LNPEP: variants seen among roughly 807,000 people sequenced by gnomAD.
LNPEP encodes the protein leucyl-cystinyl aminopeptidase.
LNPEP carries 64 observed loss-of-function variants against 120.6 expected under a neutral mutation model. The ratio of observed to expected loss-of-function variants is 0.53; its 90% CI spans 0.43 to 0.65. The LOEUF is 0.65. Ranked by LOEUF, LNPEP falls within the 30% of genes least tolerant of loss-of-function variation. The pLI is 0.00. For synonymous variants in LNPEP, 435 were observed against 425.4 expected (o/e 1.02, Z -0.28); for missense variants, 1,057 against 1,200.0 (o/e 0.88, Z 1.76).
At chr5:97,003,128 A>G (rs931710838) in intron 8 of LNPEP, among the ~76,000 whole-genome samples, 6 of 152,178 alleles carry the variant, frequency 3.9e-5, no homozygotes, top group African/African-American at 1.4e-4. Context: ...TTCAACACTA[A>G]CATTGAAACA....
intron 1 of LNPEP, among the ~76,000 whole-genome samples, chr5:96,968,560 A>G (rs1789783594): frequency 6.6e-6 from 1 of 152,070 alleles, no homozygotes; most frequent in African/African-American, 2.4e-5. Context: ...TTAAGAGAAC[A>G]TTTGTACATC....
At position 96,993,931 on chromosome 5, in the gene LNPEP, A is replaced by G; in HGVS notation, c.1367A>G (p.Lys456Arg). ...DSNTSSMADRKLVTKIIAHEL... is the reference protein window; with the variant it reads ...DSNTSSMADRRLVTKIIAHEL... ...AACACTTCTTCAATGGCGGATAGAAAGCTGGTGACTAAAATCATTGCTCAT... is the reference window on the plus strand; with the variant it reads ...AACACTTCTTCAATGGCGGATAGAAGGCTGGTGACTAAAATCATTGCTCAT... The change falls in exon 6 of 18, where the codon AAG becomes AGG. Residue 456 changes from lysine (K) to arginine (R), a missense_variant. By Grantham distance (26) the Lys-to-Arg change is conservative. Coordinates refer to ENST00000231368, the MANE Select transcript of LNPEP (RefSeq NM_005575.3). The G allele has an allele frequency of 6.2e-7, 1 of 1,613,912 alleles. No individual in the cohort carries two copies. The highest frequency in any genetic ancestry group is 8.5e-7 in the Non-Finnish European group (1 of 1,179,832).
At chr5:96,949,626 C>T (rs1424652023) in intron 1 of LNPEP, among the ~76,000 whole-genome samples, 1 of 152,184 alleles carries the variant, frequency 6.6e-6, no homozygotes, top group African/African-American at 2.4e-5. Flanking sequence ...CCCAGGTATG[C>T]TTTCATGGTG....
In LNPEP at chr5:97,022,462, A is replaced by G; in HGVS notation, c.2539A>G (p.Met847Val). The change falls in exon 14 of 18, where the codon ATG (methionine) becomes GTG (valine). Residue 847 changes from methionine to valine, a missense_variant. Met to Val is a conservative substitution (Grantham distance 21, BLOSUM62 1). Coordinates refer to ENST00000231368, the MANE Select transcript of LNPEP (RefSeq NM_005575.3). ...TTAMKLFDDW[M>V]ASNGTQSLPT... ...TGCCATGAAACTGTTTGATGACTGG[A>G]TGGCATCCAATGGAACTCAAAGGTG... is the stretch of plus-strand genomic sequence containing the variant. The G allele has an allele frequency of 1.2e-6, 2 of 1,613,842 alleles. No homozygotes were observed. Among genetic ancestry groups the G allele is most frequent in the Non-Finnish European group, 1.7e-6 (2 of 1,179,806 alleles).
chr5:97,003,592 G>A (rs985965222), intron 9 of LNPEP, 46 bp downstream of exon 9: 2 of 1,385,188 alleles, frequency 1.4e-6, no homozygotes, highest in Non-Finnish European at 2.0e-6. Flanking sequence ...TAAAAAGAGA[G>A]GAGTTCGTCT....
chr5:97,024,504 G>T lies in LNPEP; in HGVS notation c.2562-17G>T. The T allele has an allele frequency of 6.2e-7, 1 of 1,609,318 alleles. No homozygotes were observed. Among genetic ancestry groups the T allele is most frequent in the South Asian group, 1.1e-5 (1 of 90,218 alleles). ...ATATTTTCTTGTTATTCTCATGTTT[G>T]ACCACCTCTCTTACAGCCTACCTAC... On this transcript the variant is annotated splice_polypyrimidine_tract_variant and intron_variant, in intron 14 of 17. Coordinates refer to ENST00000231368, the MANE Select transcript of LNPEP (RefSeq NM_005575.3).
intron 1 of LNPEP, among the ~76,000 whole-genome samples, chr5:96,967,394 C>T (rs1789756051): frequency 1.3e-5 from 2 of 151,992 alleles, no homozygotes; most frequent in African/African-American, 2.4e-5. Context: ...ATCCTCCTGC[C>T]TCAGCCTCCC....
At chr5:97,008,290 T>G (rs1366877702) in intron 11 of LNPEP, among the ~76,000 whole-genome samples, 2 of 151,718 alleles carry the variant, frequency 1.3e-5, no homozygotes, top group African/African-American at 2.4e-5. Context: ...CTGCTTTTAT[T>G]ATCTGTTTTT....
At chr5:96,966,510 G>T (rs75003064) in intron 1 of LNPEP, among the ~76,000 whole-genome samples, 79 of 8,774 alleles carry the variant, frequency 9.0e-3, no homozygotes, top group African/African-American at 0.022. Context: ...ACATATATTT[G>T]TGTGTGTGTG....
chr5:97,027,914 C>G (rs1791386607), intron 17 of LNPEP, 100 bp downstream of exon 17: 1 of 736,120 alleles, frequency 1.4e-6, no homozygotes, highest in Admixed American at 2.0e-5. Context: ...CATGCTAATT[C>G]CTTCTCTTAT....
intron 2 of LNPEP, 37 bp from the exon 3 acceptor site, chr5:96,985,043 C>T (rs1456267423): frequency 5.6e-6 from 9 of 1,610,726 alleles, no homozygotes; most frequent in Non-Finnish European, 7.6e-6. Flanking sequence ...ACAGTAGGTG[C>T]TCAGTAACTA....
chr5:97,015,879 G>C (rs999680848), intron 13 of LNPEP, among the ~76,000 whole-genome samples: 1 of 151,968 alleles, frequency 6.6e-6, no homozygotes, highest in East Asian at 1.9e-4. Context: ...GGAAGGGGTT[G>C]GATTAAATCA....
chr5:96,979,134 T>C lies in LNPEP; in HGVS notation c.20-4T>C, dbSNP rs1790065196. The stretch of plus-strand genomic sequence containing the variant: ...TGCCTTGTTCTTATGTTTTGGTTTT[T>C]TAGATCGGCTTCAGCTCCCCAGGAA... On this transcript the variant is annotated splice_region_variant and splice_polypyrimidine_tract_variant and intron_variant, in intron 1 of 17. Transcript: ENST00000231368. 6.3e-7 allele frequency: 1 copy of C among 1,581,362 alleles called. No homozygotes were observed. The highest frequency in any genetic ancestry group is 2.2e-5 in the East Asian group (1 of 44,556).
chr5:96,996,673 G>A (rs977195830), intron 7 of LNPEP, among the ~76,000 whole-genome samples, 170 bp downstream of exon 7: 5 of 152,058 alleles, frequency 3.3e-5, no homozygotes, highest in African/African-American at 1.2e-4. Flanking sequence ...GACAATGAAA[G>A]GGATGCTATT....
Position 97,003,486 on chromosome 5 carries a change from C to T in LNPEP, c.1725C>T (p.Tyr575=). 1 of 1,604,492 alleles carries T rather than the reference C, an allele frequency of 6.2e-7. No homozygotes were observed. Among genetic ancestry groups the T allele is most frequent in the East Asian group, 2.2e-5 (1 of 44,722 alleles). The change falls in exon 9 of 18, where the codon TAC becomes TAT. Residue 575 remains tyrosine (Y), a synonymous_variant. Transcript: ENST00000231368. ...TGTTTCAACATGCTGTTGTCCTTTA[C>T]CTGCATAATCACAGCTATGCATCTA... ...EDVFQHAVVL[Y]LHNHSYASIQ...
intron 1 of LNPEP, among the ~76,000 whole-genome samples, chr5:96,952,141 T>TA (rs955048941): frequency 1.8e-4 from 27 of 151,916 alleles, no homozygotes; most frequent in Admixed American, 9.8e-4. Context: ...AAATAAAATT[T>TA]AAAAAAAAGA....
chr5:97,008,244 T>G (rs1790833108), intron 11 of LNPEP, among the ~76,000 whole-genome samples: 1 of 152,050 alleles, frequency 6.6e-6, no homozygotes, highest in Non-Finnish European at 1.5e-5. Flanking sequence ...TATATTAATT[T>G]TCAGTGCTAT....
intron 1 of LNPEP, among the ~76,000 whole-genome samples, chr5:96,941,212 A>G (rs1438858611): frequency 6.6e-6 from 1 of 152,198 alleles, no homozygotes; most frequent in Non-Finnish European, 1.5e-5. Context: ...TGAGAATCTA[A>G]TGCCACCACT....
chr5:96,969,923 T>A (rs1789821283), intron 1 of LNPEP, among the ~76,000 whole-genome samples: 1 of 151,752 alleles, frequency 6.6e-6, no homozygotes, highest in Admixed American at 6.6e-5. Context: ...TATATATTCC[T>A]TGTGGTTTCT....
Sources: gnomAD v4.1 joint callset for allele counts (sites outside exome capture counted in the v4.1 genomes callset) on GRCh38, gnomAD v4.1.1 for gene constraint, MANE v1.5 for transcripts, NCBI Gene and HGNC (gene_info 2026-07-23, HGNC 2026-07-21) for gene names.